EFHD1: variants seen among roughly 807,000 people sequenced by gnomAD.
EFHD1 encodes the protein EF-hand domain family member D1, also known as EF-hand domain-containing protein D1.
In EFHD1, 10 loss-of-function variants were observed where a neutral mutation model predicts 17.2. That is an observed-to-expected ratio of 0.58 (90% CI 0.36 to 0.99). The LOEUF is 0.99. Among genes scored for constraint, EFHD1 ranks in the 50% least tolerant of loss-of-function variants. The probability of loss-of-function intolerance (pLI) is 0.01; values close to 1 mark genes in which losing one functional copy is unlikely to be tolerated. For synonymous variants in EFHD1, 153 were observed against 142.0 expected (o/e 1.08, Z -0.55); for missense variants, 310 against 327.5 (o/e 0.95, Z 0.41).
At chr2:232,618,589 G>A (rs1021531331) in intron 1 of EFHD1, among the ~76,000 whole-genome samples, 1 of 151,698 alleles carries the variant, frequency 6.6e-6, no homozygotes, top group African/African-American at 2.4e-5. Flanking sequence ...GGGTGTGGTG[G>A]CATGCATCTT....
intron 1 of EFHD1, among the ~76,000 whole-genome samples, chr2:232,608,277 G>T (rs1693755036): frequency 6.6e-6 from 1 of 152,038 alleles, no homozygotes. Flanking sequence ...GGCTGAGGTG[G>T]GAGAATCACT....
At chr2:232,614,199 C>CAT (rs150365092) in intron 1 of EFHD1, among the ~76,000 whole-genome samples, 2 of 152,000 alleles carry the variant, frequency 1.3e-5, no homozygotes, top group African/African-American at 2.4e-5. Context: ...CACACACACA[C>CAT]ATATATATTT....
chr2:232,651,661 C>T (rs1386658307), intron 1 of EFHD1, among the ~76,000 whole-genome samples: 2 of 152,068 alleles, frequency 1.3e-5, no homozygotes, highest in Admixed American at 6.6e-5. Context: ...TACCTAACTC[C>T]AATACAAAAA....
intron 1 of EFHD1, among the ~76,000 whole-genome samples, chr2:232,607,466 C>T (rs1272899033): frequency 6.6e-6 from 1 of 150,794 alleles, no homozygotes; most frequent in Non-Finnish European, 1.5e-5. Flanking sequence ...TGGTAGCAGG[C>T]AACTGTTACC....
intron 3 of EFHD1, among the ~76,000 whole-genome samples, chr2:232,679,582 C>T (rs900301546): frequency 6.6e-5 from 10 of 151,678 alleles, no homozygotes; most frequent in African/African-American, 9.7e-5. Context: ...CTATAGGTGG[C>T]ATGCACCTAT....
intron 2 of EFHD1, among the ~76,000 whole-genome samples, chr2:232,664,158 T>G (rs1694926303): frequency 6.6e-6 from 1 of 151,978 alleles, no homozygotes; most frequent in Admixed American, 6.6e-5. Context: ...TTTATTTACT[T>G]GAAACAGGGT....
In EFHD1 at chr2:232,633,813, A is replaced by G. The variant is rs1011993822; in HGVS notation, c.109A>G (p.Lys37Glu). The G allele has an allele frequency of 1.3e-5, 19 of 1,471,782 alleles. No homozygotes were observed. Among genetic ancestry groups the G allele is most frequent in the East Asian group, 2.9e-5 (1 of 34,080 alleles). The allele number at this position is 1,471,782 out of a possible 1,614,324, so 91.2% of individuals were successfully genotyped here. ...CCTCGGCGCCCCAGCCCCGGAGCCCAAGCCCGAGCCCGAGCCTCCCGCCCG... is the reference window on the plus strand; with the variant it reads ...CCTCGGCGCCCCAGCCCCGGAGCCCGAGCCCGAGCCCGAGCCTCCCGCCCG... ...APLGAPAPEP[K>E]PEPEPPARAP... is the part of the protein sequence containing the mutation. Residue 37 changes from lysine to glutamate, a missense_variant, in exon 1 of 4, where the codon AAG becomes GAG. Coordinates refer to ENST00000264059, the MANE Select transcript of EFHD1 (RefSeq NM_025202.4).
Position 232,661,090 on chromosome 2 carries a change from G to A in EFHD1, c.303-1712G>A, listed in dbSNP as rs531441253. ...TTGAACCTGAGAGGCGGAGGTTGCA[G>A]TGAGCAGAGATCGTGCAGCTTCACT... On this transcript the variant is annotated intron_variant, in intron 1 of 3. Transcript: ENST00000264059. Among the ~76,000 whole-genome samples the A allele has an allele frequency of 5.9e-5, 9 of 152,160 alleles. No individual in the cohort carries two copies. The South Asian group carries it at 1.9e-3, about 32-fold the overall frequency.
At chr2:232,667,381 G>A (rs1277497094) in intron 2 of EFHD1, among the ~76,000 whole-genome samples, 1 of 152,060 alleles carries the variant, frequency 6.6e-6, no homozygotes, top group Non-Finnish European at 1.5e-5. Flanking sequence ...GCAATGTGGG[G>A]TGCCCACTTT....
intron 1 of EFHD1, among the ~76,000 whole-genome samples, chr2:232,658,369 A>T (rs1694800152): frequency 7.0e-6 from 1 of 143,196 alleles, no homozygotes; most frequent in African/African-American, 2.7e-5. Flanking sequence ...AATTGTATCC[A>T]TACTTCTCTT....
intron 1 of EFHD1, among the ~76,000 whole-genome samples, chr2:232,635,616 C>A (rs924461575): frequency 1.3e-5 from 2 of 152,120 alleles, no homozygotes; most frequent in African/African-American, 4.8e-5. Context: ...GTCAGGAGTT[C>A]AAGACCAGCC....
At chr2:232,611,431 CTCA>C (rs1693814828) in intron 1 of EFHD1, 2 of 152,206 alleles carry the variant, frequency 1.3e-5, no homozygotes, top group African/African-American at 4.8e-5. Context: ...CATGGGAGTT[CTCA>C]TCATCGATGA....
intron 1 of EFHD1, among the ~76,000 whole-genome samples, chr2:232,655,021 G>T (rs1233513255): frequency 3.3e-5 from 5 of 152,082 alleles, no homozygotes; most frequent in African/African-American, 1.2e-4. Flanking sequence ...CTTCCTTTCT[G>T]CTCACTCTTT....
intron 1 of EFHD1, chr2:232,649,968 T>TA (rs1182856902): frequency 6.6e-6 from 1 of 152,054 alleles, no homozygotes; most frequent in Non-Finnish European, 1.5e-5. Context: ...TCAGCATCAA[T>TA]ACGGTGACTT....
chr2:232,640,335 T>A (rs1369068096), intron 1 of EFHD1, among the ~76,000 whole-genome samples: 1 of 152,030 alleles, frequency 6.6e-6, no homozygotes, highest in East Asian at 1.9e-4. Flanking sequence ...AGCTAGTGGG[T>A]CTCTAAAGAT....
In EFHD1 at chr2:232,673,175, C is replaced by T. The variant is rs143856266; in HGVS notation, c.585+732C>T. ...TAACTGTTGCCCTTCCCAGGGCACA[C>T]ACATAGTCCAGTGAAGAAAGCAAGT... On this transcript the variant is annotated intron_variant, in intron 3 of 3. Coordinates refer to ENST00000264059, the MANE Select transcript of EFHD1 (RefSeq NM_025202.4). 5.8e-4 allele frequency among the ~76,000 whole-genome samples: 89 copies of T among 152,320 alleles called. 1 individual carries two copies. Among genetic ancestry groups the T allele is most frequent in the South Asian group, 1.9e-3 (9 of 4,826 alleles).
At chr2:232,671,950 G>A (rs1013191730) in intron 2 of EFHD1, among the ~76,000 whole-genome samples, 5 of 151,288 alleles carry the variant, frequency 3.3e-5, no homozygotes, top group South Asian at 2.1e-4. Context: ...CCAGCTACTC[G>A]GGAGGCTGAG....
Position 232,681,626 on chromosome 2 carries a change from G to A in EFHD1, c.627G>A (p.Leu209=). ...LSSASKFEAE[L]KAEQDERKRE... Reference sequence around the variant, plus strand: ...CGGCCAGTAAGTTTGAAGCAGAGTTGAAAGCTGAGCAAGATGAGCGGAAGC... The same window carrying A: ...CGGCCAGTAAGTTTGAAGCAGAGTTAAAAGCTGAGCAAGATGAGCGGAAGC... The change falls in exon 4 of 4, where the codon TTG becomes TTA. Residue 209 remains leucine (L), a synonymous_variant. Coordinates refer to ENST00000264059, the MANE Select transcript of EFHD1 (RefSeq NM_025202.4). 6.2e-7 allele frequency: 1 copy of A among 1,614,240 alleles called. No homozygotes were observed. Among genetic ancestry groups the A allele is most frequent in the African/African-American group, 1.3e-5 (1 of 75,072 alleles).
rs139417010 is a variant in EFHD1, at chr2:232,637,274, C to T, written c.302+3268C>T. ...ATTTCTTGTGGTATGGGCGCATCAC[C>T]GTAATCTCTGCCACCCTGAGCACCT... On this transcript the variant is annotated intron_variant, in intron 1 of 3. Coordinates refer to ENST00000264059, the MANE Select transcript of EFHD1 (RefSeq NM_025202.4). Among the ~76,000 whole-genome samples the T allele has an allele frequency of 8.6e-3, 1,304 of 151,692 alleles. 8 individuals carry two copies. The highest frequency in any genetic ancestry group is 0.023 in the African/African-American group (962 of 41,352).
Sources: gnomAD v4.1 joint callset for allele counts (sites outside exome capture counted in the v4.1 genomes callset) on GRCh38, gnomAD v4.1.1 for gene constraint, MANE v1.5 for transcripts, NCBI Gene and HGNC (gene_info 2026-07-23, HGNC 2026-07-21) for gene names.